ARHGAP10: variants seen among roughly 807,000 people sequenced by gnomAD.
The protein encoded by ARHGAP10 is Rho GTPase activating protein 10, also known as rho GTPase-activating protein 10.
ARHGAP10 carries 87 observed loss-of-function variants against 108.6 expected under a neutral mutation model. That is an observed-to-expected ratio of 0.80 (90% confidence interval 0.67 to 0.96). The LOEUF is 0.96. Among genes scored for constraint, ARHGAP10 ranks in the 40% least tolerant of loss-of-function variants. The pLI is 0.00. For synonymous variants in ARHGAP10, 347 were observed against 341.1 expected, an observed-to-expected ratio of 1.02 and a Z score of -0.19; for missense variants, 939 against 954.5, an observed-to-expected ratio of 0.98 and a Z score of 0.21.
rs549955290 is a variant in ARHGAP10, at chr4:147,843,604, G to A, written c.313-3547G>A. On this transcript the variant is annotated intron_variant, in intron 3 of 22. Transcript: ENST00000336498. The stretch of plus-strand genomic sequence containing the variant: ...TGCAGTGGCACGATCTCAGCTCACC[G>A]CAACCTCTGCCTCCTGGGTTCAAGC... 8.5e-4 allele frequency among the ~76,000 whole-genome samples: 129 copies of A among 152,110 alleles called. 1 individual carries two copies. The highest frequency in any genetic ancestry group is 3.4e-3 in the Middle Eastern group (1 of 294).
chr4:147,763,473 A>G (rs1729668733), intron 1 of ARHGAP10, among the ~76,000 whole-genome samples: 1 of 151,844 alleles, frequency 6.6e-6, no homozygotes, highest in African/African-American at 2.4e-5. Flanking sequence ...CACCATACCC[A>G]GCTAATTTTT....
At chr4:147,790,460 G>A (rs1373443314) in intron 1 of ARHGAP10, among the ~76,000 whole-genome samples, 1 of 152,186 alleles carries the variant, frequency 6.6e-6, no homozygotes, top group Non-Finnish European at 1.5e-5. Flanking sequence ...AAGATCCAGT[G>A]TATCAGTAAT....
At chr4:147,935,828 G>C (rs1006626121) in intron 13 of ARHGAP10, among the ~76,000 whole-genome samples, 2 of 152,280 alleles carry the variant, frequency 1.3e-5, no homozygotes, top group East Asian at 3.9e-4. Flanking sequence ...TTTGTGCAAG[G>C]TTTATTTAAA....
chr4:147,788,576 G>C (rs1730991693), intron 1 of ARHGAP10, among the ~76,000 whole-genome samples: 1 of 152,196 alleles, frequency 6.6e-6, no homozygotes, highest in Non-Finnish European at 1.5e-5. Flanking sequence ...AGCACATGGG[G>C]CTGGGAAGGG....
intron 12 of ARHGAP10, among the ~76,000 whole-genome samples, chr4:147,910,414 A>G (rs1736684863): frequency 2.6e-5 from 4 of 152,240 alleles, no homozygotes; most frequent in South Asian, 4.1e-4. Context: ...ACAATCACAT[A>G]AGAGTTTCAA....
rs150408931 is a variant in ARHGAP10 at position 147,801,095 on chromosome 4, C to T, written c.155-21632C>T. Among the ~76,000 whole-genome samples, 17 of 152,318 alleles carry T rather than the reference C, an allele frequency of 1.1e-4. No individual in the cohort carries two copies. In the East Asian group the frequency reaches 2.9e-3, roughly 26 times the overall value. On this transcript the variant is annotated intron_variant, in intron 1 of 22. Coordinates refer to ENST00000336498, the MANE Select transcript of ARHGAP10 (RefSeq NM_024605.4). ...TGCTGAGATAACAGGCGTGAGCCAC[C>T]GTGCCCAGCCTTATTCATTCTTAGA... is the stretch of plus-strand genomic sequence containing the variant.
intron 6 of ARHGAP10, 77 bp from the exon 7 acceptor site, chr4:147,866,635 A>C: frequency 3.9e-6 from 4 of 1,021,882 alleles, no homozygotes; most frequent in Non-Finnish European, 6.0e-6. Flanking sequence ...GGCGGGGGGA[A>C]CACTTGGTTG....
chr4:147,864,673 A>G (rs1446464738), intron 5 of ARHGAP10, 173 bp from the exon 6 acceptor site: 2 of 543,778 alleles, frequency 3.7e-6, no homozygotes, highest in Non-Finnish European at 6.5e-6. Context: ...GCAGCAGGAA[A>G]GTAGCTGCAG....
At chr4:147,771,916 T>G (rs1730099577) in intron 1 of ARHGAP10, among the ~76,000 whole-genome samples, 1 of 152,176 alleles carries the variant, frequency 6.6e-6, no homozygotes, top group Non-Finnish European at 1.5e-5. Context: ...CTCAGCCTCC[T>G]GAATAGCTGG....
At chr4:148,071,353 C>T (rs1876196) in intron 22 of ARHGAP10, among the ~76,000 whole-genome samples, 37 of 152,330 alleles carry the variant, frequency 2.4e-4, no homozygotes, top group Middle Eastern at 3.4e-3. Context: ...TGGTGGCTCA[C>T]GCCTGTAATC....
rs77527396 is a variant in ARHGAP10 at position 147,767,512 on chromosome 4, T to C, written c.154+35057T>C. Among the ~76,000 whole-genome samples the C allele has an allele frequency of 5.3e-3, 812 of 152,182 alleles. 4 individuals carry two copies. The highest frequency in any genetic ancestry group is 0.014 in the South Asian group (67 of 4,814). On this transcript the variant is annotated intron_variant, in intron 1 of 22. Transcript: ENST00000336498. The stretch of plus-strand genomic sequence containing the variant: ...AATAATAACTTTAAAAAATAGCTGG[T>C]TTTGCTCCTATAAAGAAGACTGAGC...
rs148482995 is a variant in ARHGAP10, at chr4:147,797,725, G to T, written c.155-25002G>T. On this transcript the variant is annotated intron_variant, in intron 1 of 22. Transcript: ENST00000336498. ...TGCGCCTGGCCAGCCAACACGCCCG[G>T]CCCCCTCCCCATTTTTTATTTGTCA... 5.3e-5 allele frequency among the ~76,000 whole-genome samples: 8 copies of T among 152,224 alleles called. No individual in the cohort carries two copies. The East Asian group carries it at 1.5e-3, about 29-fold the overall frequency.
intron 5 of ARHGAP10, among the ~76,000 whole-genome samples, chr4:147,860,769 C>A (rs929257558): frequency 1.3e-5 from 2 of 152,136 alleles, no homozygotes; most frequent in East Asian, 3.8e-4. Flanking sequence ...TACTTTCTTA[C>A]ATATATTTAC....
At chr4:148,057,492 CAT>C (rs1329151490) in intron 20 of ARHGAP10, among the ~76,000 whole-genome samples, 1 of 152,180 alleles carries the variant, frequency 6.6e-6, no homozygotes, top group Non-Finnish European at 1.5e-5. Context: ...TCTCATATGT[CAT>C]GTGGAATAAT....
chr4:147,739,186 CAA>C (rs59965552), intron 1 of ARHGAP10, among the ~76,000 whole-genome samples: 15 of 69,926 alleles, frequency 2.1e-4, no homozygotes, highest in Non-Finnish European at 1.7e-4. Flanking sequence ...GACTCTGTCT[CAA>C]AAAAAAAAAA....
intron 18 of ARHGAP10, among the ~76,000 whole-genome samples, chr4:148,016,703 C>T (rs113728535): frequency 0.017 from 2,546 of 152,172 alleles, 70 homozygotes; most frequent in African/African-American, 0.057. Context: ...GGAGGTAGTG[C>T]CAGATGCCAC....
At chr4:147,994,395 TGTG>T (rs1740395095) in intron 18 of ARHGAP10, among the ~76,000 whole-genome samples, 1 of 151,992 alleles carries the variant, frequency 6.6e-6, no homozygotes, top group Non-Finnish European at 1.5e-5. Flanking sequence ...GCACAGCTGG[TGTG>T]GTGTTTGTCG....
chr4:147,973,592 T>C (rs1166523245), intron 18 of ARHGAP10, among the ~76,000 whole-genome samples: 1 of 152,214 alleles, frequency 6.6e-6, no homozygotes, highest in Admixed American at 6.5e-5. Context: ...TATTGTTGAC[T>C]TCAGTCATCC....
chr4:147,949,165 C>T (rs1302907412), intron 15 of ARHGAP10, among the ~76,000 whole-genome samples: 2 of 152,068 alleles, frequency 1.3e-5, no homozygotes, highest in East Asian at 1.9e-4. Context: ...AGCCACTGTT[C>T]TAAATTTTTT....
Sources: gnomAD v4.1 joint callset for allele counts (sites outside exome capture counted in the v4.1 genomes callset) on GRCh38, gnomAD v4.1.1 for gene constraint, MANE v1.5 for transcripts, NCBI Gene and HGNC (gene_info 2026-07-23, HGNC 2026-07-21) for gene names.